Variants in WDR25 observed in about 807,000 individuals in gnomAD.
The protein encoded by WDR25 is WD repeat-containing protein 25.
A neutral mutation model predicts 47.7 loss-of-function variants in WDR25; 35 were observed. That is an observed-to-expected ratio of 0.73 (90% CI 0.56 to 0.97). The LOEUF (loss-of-function observed/expected upper bound fraction) is 0.97. WDR25 is among the 50% of genes least tolerant of loss of function. The pLI, the probability that WDR25 is intolerant of heterozygous loss-of-function variation, is 0.00. For missense variants in WDR25, 634 were observed against 704.7 expected (o/e 0.90, Z 1.14); for synonymous variants, 248 against 278.9 (o/e 0.89, Z 1.10).
intron 2 of WDR25, 140 bp downstream of exon 2, chr14:100,381,886 A>T (rs1595484705): frequency 1.3e-6 from 1 of 747,560 alleles, no homozygotes; most frequent in East Asian, 2.7e-5. Context: ...CATTCCAGAA[A>T]GGGTCATCTG....
At chr14:100,378,305 G>A (rs2140129843) in intron 1 of WDR25, among the ~76,000 whole-genome samples, 1 of 152,178 alleles carries the variant, frequency 6.6e-6, no homozygotes, top group East Asian at 1.9e-4. Context: ...GAGTAGCTGG[G>A]ATTACAGGCG....
chr14:100,521,594 C>CT (rs1475328895), intron 4 of WDR25, among the ~76,000 whole-genome samples: 1 of 152,078 alleles, frequency 6.6e-6, no homozygotes, highest in Non-Finnish European at 1.5e-5. Flanking sequence ...GTTCCTCATT[C>CT]TTTTTTACAA....
At chr14:100,394,650 G>T (rs1307734271) in intron 2 of WDR25, among the ~76,000 whole-genome samples, 2 of 152,230 alleles carry the variant, frequency 1.3e-5, no homozygotes, top group Non-Finnish European at 2.9e-5. Context: ...AGGCCCTCCA[G>T]GGCTATCTGT....
intron 4 of WDR25, among the ~76,000 whole-genome samples, chr14:100,486,269 CG>C (rs1190836393): frequency 6.6e-6 from 1 of 152,160 alleles, no homozygotes; most frequent in East Asian, 1.9e-4. Flanking sequence ...TCACCAAGGA[CG>C]CCATCTGATT....
intron 5 of WDR25, among the ~76,000 whole-genome samples, chr14:100,527,281 C>T (rs2030227006): frequency 6.6e-6 from 1 of 151,836 alleles, no homozygotes; most frequent in Admixed American, 6.6e-5. Context: ...CCGTGATTGT[C>T]ACCACCACCA....
chr14:100,433,291 A>G (rs569595546), intron 2 of WDR25, among the ~76,000 whole-genome samples: 10 of 152,328 alleles, frequency 6.6e-5, no homozygotes, highest in African/African-American at 9.6e-5. Context: ...TAGACCTTCA[A>G]TGTAGGTCTG....
At chr14:100,522,436 G>A (rs1417371566) in intron 4 of WDR25, among the ~76,000 whole-genome samples, 2 of 152,120 alleles carry the variant, frequency 1.3e-5, no homozygotes, top group Non-Finnish European at 2.9e-5. Context: ...TGTGATTGGC[G>A]ACTTCTGCTT....
chr14:100,479,931 C>T lies in WDR25; in HGVS notation c.971-4063C>T, dbSNP rs113858997. Among the ~76,000 whole-genome samples the T allele has an allele frequency of 7.0e-3, 1,059 of 152,212 alleles. 23 individuals carry two copies. Among genetic ancestry groups the T allele is most frequent in the African/African-American group, 0.024 (1,002 of 41,518 alleles). On this transcript the variant is annotated intron_variant, in intron 3 of 6. Transcript: ENST00000402312. ...TCTTCTTATGAGAATCTAACTAATG[C>T]CTGGTGATCTGAGGTGGGACAGTTT...
At chr14:100,487,136 G>T (rs1900413690) in intron 4 of WDR25, among the ~76,000 whole-genome samples, 1 of 152,196 alleles carries the variant, frequency 6.6e-6, no homozygotes, top group Admixed American at 6.5e-5. Flanking sequence ...ATATTCCTTT[G>T]ACTCAGGGTG....
At chr14:100,391,477 G>A (rs1897144530) in intron 2 of WDR25, among the ~76,000 whole-genome samples, 1 of 152,132 alleles carries the variant, frequency 6.6e-6, no homozygotes, top group Non-Finnish European at 1.5e-5. Flanking sequence ...ATTCCGCAGG[G>A]CATGGGTACG....
intron 5 of WDR25, among the ~76,000 whole-genome samples, chr14:100,527,439 A>G (rs1307879926): frequency 6.6e-6 from 1 of 152,210 alleles, no homozygotes; most frequent in African/African-American, 2.4e-5. Context: ...TGTCATGTGT[A>G]TATGATATAT....
Position 100,468,093 on chromosome 14 carries a change from C to T in WDR25, c.895C>T (p.Arg299Trp), listed in dbSNP as rs199801334. ...GCACACAGAGGCAGTGCGGGCCGCC[C>T]GGTGGGCTCCCTGTGGCCGGCGCAT... ...SLHTEAVRAA[R>W]WAPCGRRILS... is the part of the protein sequence containing the mutation. Residue 299 changes from arginine to tryptophan, a missense_variant, in exon 3 of 7, where the codon CGG becomes TGG. By Grantham distance (101) the Arg-to-Trp change is moderately radical. Coordinates refer to ENST00000402312, the MANE Select transcript of WDR25 (RefSeq NM_001161476.3). This position sits in a 1 kb window ranked among gnomAD's most constrained non-coding sequence, Gnocchi z 4.5. 2.4e-4 allele frequency: 390 copies of T among 1,613,428 alleles called. No homozygotes were observed. Among genetic ancestry groups the T allele is most frequent in the Admixed American group, 9.8e-4 (59 of 60,010 alleles).
intron 2 of WDR25, among the ~76,000 whole-genome samples, chr14:100,463,046 TTC>T: frequency 6.5e-5 from 5 of 76,418 alleles, no homozygotes; most frequent in Admixed American, 1.3e-4. Context: ...TTCCCTTCTC[TTC>T]TTCTTTCACC....
Position 100,382,267 on chromosome 14 carries a change from T to G in WDR25, c.822+521T>G, listed in dbSNP as rs964979961. The stretch of plus-strand genomic sequence containing the variant: ...GGCCCCCAGTAGGACACACAGGTGC[T>G]CTGGGAGCCCAACGGGAGGGTTACC... On this transcript the variant is annotated intron_variant, in intron 2 of 6. Transcript: ENST00000402312. 8 of 679,702 alleles carry G rather than the reference T, an allele frequency of 1.2e-5. No individual in the cohort carries two copies. In the African/African-American group the frequency reaches 1.4e-4, roughly 12 times the overall value. 42.1% of individuals were successfully genotyped at this position (679,702 alleles called of 1,614,324 possible).
chr14:100,514,381 A>G (rs1036591339), intron 4 of WDR25, among the ~76,000 whole-genome samples: 1 of 152,052 alleles, frequency 6.6e-6, no homozygotes, highest in Admixed American at 6.5e-5. Context: ...TTAATTTATT[A>G]TGATTATTGA....
chr14:100,483,888 G>T, intron 3 of WDR25, 106 bp from the exon 4 acceptor site: 1 of 1,366,392 alleles, frequency 7.3e-7, no homozygotes. Context: ...GGGCCCAGGG[G>T]AGCTGTGTTT....
intron 2 of WDR25, among the ~76,000 whole-genome samples, chr14:100,429,075 C>T (rs574154158): frequency 2.0e-5 from 3 of 152,282 alleles, no homozygotes; most frequent in African/African-American, 7.2e-5. Context: ...CATTTTAGAA[C>T]ATTTTCTTCC....
chr14:100,429,238 T>C (rs1208517252), intron 2 of WDR25, among the ~76,000 whole-genome samples: 1 of 152,184 alleles, frequency 6.6e-6, no homozygotes, highest in African/African-American at 2.4e-5. Context: ...TGTCATCAGC[T>C]TCTCGTTTCC....
chr14:100,521,830 G>T (rs2029883812), intron 4 of WDR25, among the ~76,000 whole-genome samples: 1 of 152,128 alleles, frequency 6.6e-6, no homozygotes, highest in African/African-American at 2.4e-5. Context: ...ATGTTATTTT[G>T]CTCAAAGTTG....
Sources: allele counts gnomAD v4.1 joint callset (sites outside exome capture counted in the v4.1 genomes callset), GRCh38; gene constraint gnomAD v4.1.1; non-coding constraint Gnocchi (gnomAD v3.1); transcripts MANE v1.5; gene names NCBI Gene and HGNC (gene_info 2026-07-23, HGNC 2026-07-21).